GMDS: variants seen among roughly 807,000 people sequenced by gnomAD.
GMDS encodes the protein GDP-mannose 4,6-dehydratase, also known as GDP-mannose 4,6 dehydratase.
Under a neutral mutation model 49.9 loss-of-function variants are expected in GMDS, and 20 were observed. The observed-to-expected ratio is 0.40, with a 90% CI of 0.28 to 0.58. GMDS has a LOEUF of 0.58. Among genes scored for constraint, GMDS ranks in the 20% least tolerant of loss-of-function variants. The pLI is 0.42. For missense variants in GMDS, 362 were observed against 481.4 expected, an observed-to-expected ratio of 0.75 and a Z score of 2.32; for synonymous variants, 177 against 178.6, an observed-to-expected ratio of 0.99 and a Z score of 0.07.
chr6:2,062,944 A>G (rs143375687), intron 4 of GMDS, among the ~76,000 whole-genome samples: 82 of 152,236 alleles, frequency 5.4e-4, no homozygotes, highest in African/African-American at 1.9e-3. Flanking sequence ...TCATACACAA[A>G]GCATCTAGCT....
At chr6:2,026,000 C>A (rs536831077) in intron 4 of GMDS, among the ~76,000 whole-genome samples, 3 of 152,240 alleles carry the variant, frequency 2.0e-5, no homozygotes, top group South Asian at 2.1e-4. Flanking sequence ...TTTTACATTA[C>A]CAAATAACTT....
chr6:1,922,658 G>A (rs899945389), intron 7 of GMDS, among the ~76,000 whole-genome samples: 3 of 152,154 alleles, frequency 2.0e-5, no homozygotes, highest in African/African-American at 7.2e-5. Context: ...GACTCAGTCA[G>A]TAGAAGAGAG....
At chr6:1,923,822 T>A (rs927307701) in intron 7 of GMDS, among the ~76,000 whole-genome samples, 1 of 152,190 alleles carries the variant, frequency 6.6e-6, no homozygotes, top group Non-Finnish European at 1.5e-5. Flanking sequence ...TTGTGTAACA[T>A]AGGATACAAA....
chr6:1,960,088 A>C, intron 5 of GMDS, 117 bp from the exon 6 acceptor site: 2 of 545,022 alleles, frequency 3.7e-6, no homozygotes, highest in South Asian at 6.0e-5. Context: ...CAAATACAAA[A>C]AAGTATCAAA....
intron 4 of GMDS, among the ~76,000 whole-genome samples, chr6:2,038,068 G>T (rs1426368681): frequency 6.6e-6 from 1 of 152,074 alleles, no homozygotes; most frequent in Non-Finnish European, 1.5e-5. Flanking sequence ...TGGGGGGGAG[G>T]TGGTGGTGAA....
intron 9 of GMDS, among the ~76,000 whole-genome samples, chr6:1,686,738 A>G (rs1764989529): frequency 6.6e-6 from 1 of 152,224 alleles, no homozygotes; most frequent in African/African-American, 2.4e-5. Context: ...TGCACAGTAC[A>G]TTAACGCAGC....
At chr6:2,176,701 A>G (rs1454992354) in intron 1 of GMDS, among the ~76,000 whole-genome samples, 4 of 152,072 alleles carry the variant, frequency 2.6e-5, no homozygotes, top group Non-Finnish European at 2.9e-5. Flanking sequence ...TTCATCTCAC[A>G]CTCCCTCTCA....
At chr6:2,009,974 T>G in intron 4 of GMDS, among the ~76,000 whole-genome samples, 1 of 152,170 alleles carries the variant, frequency 6.6e-6, no homozygotes. Flanking sequence ...TGATAAAGAC[T>G]GTAATCCTTC....
chr6:1,760,552 C>T (rs1303438351), intron 7 of GMDS, among the ~76,000 whole-genome samples: 2 of 152,098 alleles, frequency 1.3e-5, no homozygotes, highest in Admixed American at 6.6e-5. Flanking sequence ...CCATGGCCCC[C>T]GCAGTCCCCA....
chr6:1,628,011 T>A (rs1367147033), intron 9 of GMDS, among the ~76,000 whole-genome samples: 3 of 152,206 alleles, frequency 2.0e-5, no homozygotes, highest in African/African-American at 7.2e-5. Context: ...CCCTCCAGAT[T>A]TCTGACTCAC....
At chr6:2,079,701 G>T (rs1278895059) in intron 4 of GMDS, among the ~76,000 whole-genome samples, 1 of 152,028 alleles carries the variant, frequency 6.6e-6, no homozygotes, top group Admixed American at 6.6e-5. Flanking sequence ...CTTTACAACT[G>T]ACTAGGCACT....
intron 7 of GMDS, among the ~76,000 whole-genome samples, chr6:1,786,263 A>G (rs1301942908): frequency 6.6e-6 from 1 of 152,266 alleles, no homozygotes; most frequent in African/African-American, 2.4e-5. Flanking sequence ...AATGAGGTTG[A>G]TAACTGTGAT....
intron 7 of GMDS, among the ~76,000 whole-genome samples, chr6:1,881,604 T>C (rs1016129391): frequency 7.9e-5 from 12 of 152,202 alleles, no homozygotes; most frequent in African/African-American, 2.9e-4. Context: ...GTGGTTAAAG[T>C]ACAAGGCAGG....
chr6:1,784,547 C>T (rs1192636993), intron 7 of GMDS, among the ~76,000 whole-genome samples: 4 of 152,002 alleles, frequency 2.6e-5, no homozygotes, highest in South Asian at 2.1e-4. Context: ...CAGATTTGGC[C>T]GGATGTCAGA....
intron 6 of GMDS, among the ~76,000 whole-genome samples, chr6:1,957,447 T>C (rs1172813166): frequency 2.6e-5 from 4 of 152,208 alleles, no homozygotes; most frequent in Non-Finnish European, 4.4e-5. Flanking sequence ...CTGTAAATAG[T>C]AGGCATTACA....
chr6:2,087,965 C>T (rs551708164), intron 4 of GMDS, among the ~76,000 whole-genome samples: 2 of 152,180 alleles, frequency 1.3e-5, no homozygotes, highest in South Asian at 2.1e-4. Flanking sequence ...TTTTTCCTAA[C>T]CTAAAAGGGC....
intron 6 of GMDS, among the ~76,000 whole-genome samples, chr6:1,940,164 C>T (rs1045353061): frequency 4.1e-5 from 6 of 144,942 alleles, no homozygotes; most frequent in East Asian, 2.1e-4. Flanking sequence ...TACAGATACA[C>T]GATTGTATAT....
At chr6:1,851,485 C>CG (rs1757667991) in intron 7 of GMDS, among the ~76,000 whole-genome samples, 1 of 152,236 alleles carries the variant, frequency 6.6e-6, no homozygotes, top group Non-Finnish European at 1.5e-5. Context: ...TTAGGACCTT[C>CG]GGGGCAGGGA....
At chr6:2,111,066 C>T (rs59170404) in intron 4 of GMDS, among the ~76,000 whole-genome samples, 3,587 of 152,264 alleles carry the variant, frequency 0.024, 153 homozygotes, top group African/African-American at 0.081. Context: ...ATCTCACCAA[C>T]ACCACTACTT....
Sources: gnomAD v4.1 joint callset for allele counts (sites outside exome capture counted in the v4.1 genomes callset) on GRCh38, gnomAD v4.1.1 for gene constraint, MANE v1.5 for transcripts, NCBI Gene and HGNC (gene_info 2026-07-23, HGNC 2026-07-21) for gene names.